CTNNA2: variants seen among roughly 807,000 people sequenced by gnomAD.
CTNNA2 encodes the protein catenin alpha 2.
A neutral mutation model predicts 101.0 loss-of-function variants in CTNNA2; 42 were observed. The ratio of observed to expected loss-of-function variants is 0.42; its 90% CI spans 0.32 to 0.54. The LOEUF (loss-of-function observed/expected upper bound fraction) is 0.54. CTNNA2 is among the 20% of genes least tolerant of loss of function. CTNNA2 has a pLI of 0.14. For synonymous variants in CTNNA2, 450 were observed against 456.4 expected (o/e 0.99, Z 0.18); for missense variants, 871 against 1,223.1 (o/e 0.71, Z 4.29).
At chr2:80,500,459 C>A (rs535390501) in intron 9 of CTNNA2, among the ~76,000 whole-genome samples, 73 of 152,298 alleles carry the variant, frequency 4.8e-4, no homozygotes, top group African/African-American at 1.7e-3. Flanking sequence ...ATCGACCCAA[C>A]AAACATCAGT....
intron 1 of CTNNA2, among the ~76,000 whole-genome samples, chr2:79,556,196 A>C (rs939602098): frequency 1.3e-5 from 2 of 151,982 alleles, no homozygotes; most frequent in African/African-American, 4.8e-5. Context: ...ATAATGATAG[A>C]TTTATATTGA....
chr2:79,434,724 A>G (rs13017219), intron 4 of CTNNA2, among the ~76,000 whole-genome samples: 48,442 of 152,054 alleles, frequency 0.32, 7,848 homozygotes, highest in South Asian at 0.44. Flanking sequence ...GTCTACCTCT[A>G]GTGAGCACCA....
intron 3 of CTNNA2, among the ~76,000 whole-genome samples, chr2:79,805,491 T>C (rs1360982309): frequency 1.3e-5 from 2 of 152,180 alleles, no homozygotes; most frequent in Non-Finnish European, 2.9e-5. Context: ...AGTTTTGGAT[T>C]TTGGAGCATT....
At chr2:80,280,154 A>T (rs1193340446) in intron 7 of CTNNA2, among the ~76,000 whole-genome samples, 1 of 151,264 alleles carries the variant, frequency 6.6e-6, no homozygotes, top group Non-Finnish European at 1.5e-5. Flanking sequence ...TGCTGGTTGC[A>T]GCACTTTGTA....
chr2:79,266,122 C>T (rs1288810957), intron 2 of CTNNA2, among the ~76,000 whole-genome samples: 1 of 152,206 alleles, frequency 6.6e-6, no homozygotes, highest in East Asian at 1.9e-4. Flanking sequence ...GCTGTGTCCA[C>T]ACCTTTTCAC....
intron 7 of CTNNA2, among the ~76,000 whole-genome samples, chr2:80,346,336 A>G (rs1410935814): frequency 2.6e-5 from 4 of 151,806 alleles, no homozygotes; most frequent in African/African-American, 9.7e-5. Flanking sequence ...TAGAAGGTGA[A>G]GTGGGAGCAG....
intron 1 of CTNNA2, among the ~76,000 whole-genome samples, chr2:79,642,246 A>G (rs1462801526): frequency 1.3e-5 from 2 of 152,210 alleles, no homozygotes; most frequent in Non-Finnish European, 2.9e-5. Flanking sequence ...GTGTGGCTTT[A>G]CCAAAAATAG....
Position 79,987,085 on chromosome 2 carries a change from C to CT in CTNNA2, c.1056+77295dup, listed in dbSNP as rs34201114. 1.3e-4 allele frequency among the ~76,000 whole-genome samples: 20 copies of CT among 152,254 alleles called. No homozygotes were observed. In the East Asian group the frequency reaches 2.7e-3, roughly 21 times the overall value. Reference sequence around the variant, plus strand: ...TGGTGTTTGGTGTCTTGTGGAACCACTTTTTTTCCCCACTGGAAGCTGTCT... The same window carrying CT: ...TGGTGTTTGGTGTCTTGTGGAACCACTTTTTTTTCCCCACTGGAAGCTGTCT... On this transcript the variant is annotated intron_variant, in intron 7 of 18. Transcript: ENST00000402739.
At chr2:80,180,667 CT>C (rs944556942) in intron 7 of CTNNA2, among the ~76,000 whole-genome samples, 3 of 152,200 alleles carry the variant, frequency 2.0e-5, no homozygotes, top group African/African-American at 7.2e-5. Flanking sequence ...AGGTCCTGCT[CT>C]CACATATCTA....
At chr2:80,151,309 G>A (rs527595985) in intron 7 of CTNNA2, among the ~76,000 whole-genome samples, 1 of 152,282 alleles carries the variant, frequency 6.6e-6, no homozygotes, top group South Asian at 2.1e-4. Context: ...TAGAAATGGA[G>A]TTTAGTTCTC....
intron 1 of CTNNA2, among the ~76,000 whole-genome samples, chr2:79,549,047 A>C (rs1673919718): frequency 1.3e-5 from 2 of 152,216 alleles, no homozygotes; most frequent in African/African-American, 4.8e-5. Context: ...CATACGGTGC[A>C]TAGTAATACT....
chr2:79,468,918 G>A lies in CTNNA2; in HGVS notation c.-134-36136G>A, dbSNP rs181677805. Among the ~76,000 whole-genome samples, 1,212 of 152,270 alleles carry A rather than the reference G, an allele frequency of 8.0e-3. 15 individuals carry two copies. Among genetic ancestry groups the A allele is most frequent in the African/African-American group, 0.027 (1,132 of 41,556 alleles). On this transcript the variant is annotated intron_variant, in intron 4 of 21. Transcript: ENST00000466387. ...AATTTATAGCACTAAATACCCACAA[G>A]AGAAAGCAGGAAAGATCTAAAATTG...
At chr2:79,788,206 T>TATTTTAGAAAAATAACTGATCAC (rs1231492134) in intron 3 of CTNNA2, among the ~76,000 whole-genome samples, 1 of 152,146 alleles carries the variant, frequency 6.6e-6, no homozygotes, top group African/African-American at 2.4e-5. Context: ...CTCAGTTCTA[T>TATTTTAGAAAAATAACTGATCAC]ATTTTAGAAA....
chr2:79,831,292 C>A (rs955873712), intron 3 of CTNNA2, among the ~76,000 whole-genome samples: 3 of 151,842 alleles, frequency 2.0e-5, no homozygotes, highest in East Asian at 1.9e-4. Context: ...TTAAGAAAAT[C>A]TTTTTCTCCT....
At chr2:79,943,445 G>A (rs1010834981) in intron 7 of CTNNA2, among the ~76,000 whole-genome samples, 2 of 152,150 alleles carry the variant, frequency 1.3e-5, no homozygotes, top group African/African-American at 4.8e-5. Context: ...TGGTGACTCT[G>A]AGTATCATCA....
rs539478324 is a variant in CTNNA2, at chr2:80,096,515, A to T, written c.1056+186718A>T. Among the ~76,000 whole-genome samples, 28 of 152,298 alleles carry T rather than the reference A, an allele frequency of 1.8e-4. No homozygotes were observed. In the South Asian group the frequency reaches 5.4e-3, roughly 29 times the overall value. Reference sequence around the variant, plus strand: ...AGTGGAGAGTTCTGTAGATGTCTGTATTAGGTCCACTTGGTGCAGAGCTGA... The same window carrying T: ...AGTGGAGAGTTCTGTAGATGTCTGTTTTAGGTCCACTTGGTGCAGAGCTGA... On this transcript the variant is annotated intron_variant, in intron 7 of 18. Transcript: ENST00000402739.
At chr2:80,476,644 G>T (rs1446206035) in intron 9 of CTNNA2, among the ~76,000 whole-genome samples, 1 of 152,102 alleles carries the variant, frequency 6.6e-6, no homozygotes, top group East Asian at 1.9e-4. Context: ...AAACTCAGAC[G>T]ACAACCAGGC....
intron 7 of CTNNA2, among the ~76,000 whole-genome samples, chr2:80,069,849 G>T (rs1698216934): frequency 6.6e-6 from 1 of 152,286 alleles, no homozygotes; most frequent in Admixed American, 6.5e-5. Flanking sequence ...CCTTCAGCAA[G>T]CACCTTAACC....
intron 1 of CTNNA2, among the ~76,000 whole-genome samples, chr2:79,605,554 GA>G (rs1230671151): frequency 2.0e-5 from 3 of 151,964 alleles, no homozygotes; most frequent in African/African-American, 7.3e-5. Context: ...AGTCAGAGGG[GA>G]AAAATACATT....
Sources: allele counts gnomAD v4.1 joint callset (sites outside exome capture counted in the v4.1 genomes callset), GRCh38; gene constraint gnomAD v4.1.1; transcripts MANE v1.5; gene names NCBI Gene and HGNC (gene_info 2026-07-23, HGNC 2026-07-21).